The following CDC14A variants were observed in gnomAD, a reference collection of about 807,000 sequenced individuals.
The protein encoded by CDC14A is dual specificity protein phosphatase CDC14A.
In CDC14A, 53 loss-of-function variants were observed where a neutral mutation model predicts 74.4. The observed-to-expected ratio is 0.71, with a 90% CI of 0.57 to 0.89. The LOEUF (loss-of-function observed/expected upper bound fraction) is 0.89, where lower values mean the gene tolerates loss of function less well. Ranked by LOEUF, CDC14A falls within the 40% of genes least tolerant of loss-of-function variation. The pLI is 0.00. For missense variants in CDC14A, 646 were observed against 713.7 expected (o/e 0.91, Z 1.08); for synonymous variants, 247 against 258.4 (o/e 0.96, Z 0.43).
intron 5 of CDC14A, among the ~76,000 whole-genome samples, chr1:100,437,449 C>T (rs1248266211): frequency 6.6e-6 from 1 of 152,202 alleles, no homozygotes; most frequent in Non-Finnish European, 1.5e-5. Context: ...ATATAAATTA[C>T]CTGACACAGT....
At chr1:100,357,892 A>G (rs1570943446) in intron 2 of CDC14A, among the ~76,000 whole-genome samples, 2 of 152,276 alleles carry the variant, frequency 1.3e-5, no homozygotes, top group South Asian at 2.1e-4. Context: ...ATGTTTCTTT[A>G]GTTATGAAAG....
intron 15 of CDC14A, among the ~76,000 whole-genome samples, chr1:100,513,332 A>G (rs1649939106): frequency 6.6e-6 from 1 of 152,190 alleles, no homozygotes; most frequent in South Asian, 2.1e-4. Flanking sequence ...ACATTAAAAC[A>G]AACCATTTTT....
At chr1:100,453,285 A>G (rs1666329561) in intron 7 of CDC14A, among the ~76,000 whole-genome samples, 1 of 152,218 alleles carries the variant, frequency 6.6e-6, no homozygotes. Context: ...CTGTAATCCA[A>G]ATAAGCAGAT....
At chr1:100,438,083 G>A (rs1444272491) in intron 5 of CDC14A, among the ~76,000 whole-genome samples, 1 of 151,812 alleles carries the variant, frequency 6.6e-6, no homozygotes, top group Non-Finnish European at 1.5e-5. Context: ...AGTAGCATTA[G>A]CAATATAAGT....
intron 4 of CDC14A, among the ~76,000 whole-genome samples, chr1:100,409,237 G>T (rs1005462298): frequency 6.6e-6 from 1 of 152,072 alleles, no homozygotes; most frequent in African/African-American, 2.4e-5. Flanking sequence ...ACATAGCACG[G>T]GAAAGACCTG....
intron 11 of CDC14A, among the ~76,000 whole-genome samples, chr1:100,494,360 T>C (rs1251458407): frequency 1.3e-5 from 2 of 152,270 alleles, no homozygotes; most frequent in African/African-American, 2.4e-5. Flanking sequence ...ACATGATTAC[T>C]GTGTTAATAA....
chr1:100,367,985 A>C (rs935418387), intron 2 of CDC14A, among the ~76,000 whole-genome samples: 2 of 152,190 alleles, frequency 1.3e-5, no homozygotes, highest in African/African-American at 4.8e-5. Flanking sequence ...TTATGTTCCA[A>C]GTCCCAACTG....
At chr1:100,486,188 C>T (rs1326605596) in intron 11 of CDC14A, among the ~76,000 whole-genome samples, 1 of 152,106 alleles carries the variant, frequency 6.6e-6, no homozygotes. Flanking sequence ...AAGTTAATCC[C>T]GTTATCTGAG....
rs147859939 is a variant in CDC14A at position 100,468,119 on chromosome 1, C to A, written c.977+25C>A. ...AGTAAGTATATTGTCCCCATTACCA[C>A]ATTATATCCTGTTCTTGATCCTTTC... On this transcript the variant is annotated intron_variant, in intron 10 of 15. Coordinates refer to ENST00000336454, the MANE Select transcript of CDC14A (RefSeq NM_003672.4). 4.7e-4 allele frequency: 755 copies of A among 1,612,678 alleles called. 2 individuals are homozygous for A. In the African/African-American group the frequency reaches 9.2e-3, roughly 20 times the overall value.
rs12090533 is a variant in CDC14A, at chr1:100,483,919, C to T, written c.978-373C>T. Among the ~76,000 whole-genome samples, 397 of 152,118 alleles carry T rather than the reference C, an allele frequency of 2.6e-3. 3 individuals carry two copies. The highest frequency in any genetic ancestry group is 9.3e-3 in the African/African-American group (387 of 41,542). The stretch of plus-strand genomic sequence containing the variant: ...ACAGTTTTGAGTCCAGTTATTCTCT[C>T]TGTTTTTATAAATAGGCATATCAAA... On this transcript the variant is annotated intron_variant, in intron 10 of 15. Transcript: ENST00000336454.
chr1:100,351,459 C>G (rs369942295), upstream of CDC14A, among the ~76,000 whole-genome samples: 2 of 152,212 alleles, frequency 1.3e-5, no homozygotes, highest in East Asian at 3.9e-4. Context: ...CTTAGGACGC[C>G]CAGCGTTCAA....
intron 2 of CDC14A, among the ~76,000 whole-genome samples, chr1:100,368,589 A>C (rs1653976149): frequency 6.6e-6 from 1 of 152,224 alleles, no homozygotes; most frequent in South Asian, 2.1e-4. Context: ...CTTTTTTAAA[A>C]AATTTCAACT....
At chr1:100,374,837 C>G (rs1417171388) in intron 2 of CDC14A, among the ~76,000 whole-genome samples, 1 of 152,074 alleles carries the variant, frequency 6.6e-6, no homozygotes, top group South Asian at 2.1e-4. Context: ...AATTTGTGGT[C>G]TAGACTAAAT....
intron 11 of CDC14A, among the ~76,000 whole-genome samples, chr1:100,488,183 G>C (rs1372828164): frequency 6.6e-6 from 1 of 152,176 alleles, no homozygotes; most frequent in Non-Finnish European, 1.5e-5. Flanking sequence ...TTTATTTAAA[G>C]TGCAAATATT....
At chr1:100,395,690 C>A (rs537615451) in intron 4 of CDC14A, among the ~76,000 whole-genome samples, 1 of 152,232 alleles carries the variant, frequency 6.6e-6, no homozygotes, top group South Asian at 2.1e-4. Context: ...ACGTCATTAC[C>A]CTGTTTCAAA....
At chr1:100,349,191 G>A (rs577516984), upstream of CDC14A, among the ~76,000 whole-genome samples, 12 of 151,282 alleles carry the variant, frequency 7.9e-5, no homozygotes, top group East Asian at 1.7e-3. Context: ...GCAAGACTCC[G>A]TCTAGAGAAA....
intron 9 of CDC14A, among the ~76,000 whole-genome samples, chr1:100,463,373 G>A (rs1667498663): frequency 6.6e-6 from 1 of 152,150 alleles, no homozygotes; most frequent in South Asian, 2.1e-4. Context: ...TCATGGAGCA[G>A]AGCGTCTTCC....
At position 100,423,184 on chromosome 1, in the gene CDC14A, G is replaced by GC. The variant is rs896649433; in HGVS notation, c.310-1033dup. ...TCCGGCCACTGCCTGGCTTTCTCCC[G>GC]CCCCCTGTCCTCTTCTCTCAGTCCT... On this transcript the variant is annotated intron_variant, in intron 4 of 15. Transcript: ENST00000336454. Among the ~76,000 whole-genome samples, 3 of 152,064 alleles carry GC rather than the reference G, an allele frequency of 2.0e-5. No homozygotes were observed. In the South Asian group the frequency reaches 6.2e-4, roughly 32 times the overall value.
intron 5 of CDC14A, among the ~76,000 whole-genome samples, chr1:100,438,157 A>T (rs919653331): frequency 3.3e-5 from 5 of 152,092 alleles, no homozygotes; most frequent in Admixed American, 2.0e-4. Context: ...CTTCCTCAAA[A>T]TTGTAGTGGC....
Sources: gnomAD v4.1 joint callset for allele counts (sites outside exome capture counted in the v4.1 genomes callset) on GRCh38, gnomAD v4.1.1 for gene constraint, MANE v1.5 for transcripts, NCBI Gene and HGNC (gene_info 2026-07-23, HGNC 2026-07-21) for gene names.